Variants in CHRM2 observed in about 807,000 individuals in gnomAD.
The protein encoded by CHRM2 is muscarinic acetylcholine receptor M2.
In CHRM2, 8 loss-of-function variants were observed where a neutral mutation model predicts 25.0. That is an observed-to-expected ratio of 0.32 (90% confidence interval 0.19 to 0.58). The LOEUF (loss-of-function observed/expected upper bound fraction) is 0.58, where lower values mean the gene tolerates loss of function less well. CHRM2 is among the 20% of genes least tolerant of loss of function. CHRM2 has a pLI of 0.88. For synonymous variants in CHRM2, 202 were observed against 205.7 expected, an observed-to-expected ratio of 0.98 and a Z score of 0.15; for missense variants, 440 against 567.1, an observed-to-expected ratio of 0.78 and a Z score of 2.28.
At chr7:136,940,452 T>C (rs1170164146) in intron 2 of CHRM2, among the ~76,000 whole-genome samples, 1 of 152,220 alleles carries the variant, frequency 6.6e-6, no homozygotes, top group African/African-American at 2.4e-5. Flanking sequence ...TCAATCATCT[T>C]GTACCTTATG....
At chr7:136,989,770 C>T (rs79345526) in intron 2 of CHRM2, among the ~76,000 whole-genome samples, 2,115 of 152,176 alleles carry the variant, frequency 0.014, 39 homozygotes, top group African/African-American at 0.049. Flanking sequence ...AAAATCCATC[C>T]CCTTCACAAC....
At chr7:137,013,114 A>G (rs1276448669) in intron 3 of CHRM2, among the ~76,000 whole-genome samples, 4 of 151,950 alleles carry the variant, frequency 2.6e-5, no homozygotes, top group African/African-American at 9.7e-5. Flanking sequence ...ACTCTATTAT[A>G]TTAAAGACAT....
At chr7:137,008,277 A>G (rs1804583505) in intron 3 of CHRM2, among the ~76,000 whole-genome samples, 1 of 152,100 alleles carries the variant, frequency 6.6e-6, no homozygotes, top group South Asian at 2.1e-4. Context: ...CCTTGCTTCC[A>G]ATGATACTCT....
chr7:136,918,096 G>A (rs1023490602), intron 2 of CHRM2, among the ~76,000 whole-genome samples: 1 of 152,056 alleles, frequency 6.6e-6, no homozygotes, highest in Non-Finnish European at 1.5e-5. Context: ...AAAACAGAAA[G>A]GACCACCATG....
At chr7:136,883,115 T>G (rs1191837717) in intron 2 of CHRM2, among the ~76,000 whole-genome samples, 1 of 152,130 alleles carries the variant, frequency 6.6e-6, no homozygotes, top group African/African-American at 2.4e-5. Flanking sequence ...CTCTCTTACG[T>G]AGGGCTTAGC....
chr7:136,963,268 CT>C (rs753526037), intron 2 of CHRM2, among the ~76,000 whole-genome samples: 4 of 152,128 alleles, frequency 2.6e-5, no homozygotes, highest in Non-Finnish European at 5.9e-5. Flanking sequence ...CATTCCTTTT[CT>C]GTTTTCCGTT....
chr7:136,939,036 G>C (rs1307544615), intron 2 of CHRM2, among the ~76,000 whole-genome samples: 1 of 145,190 alleles, frequency 6.9e-6, no homozygotes, highest in Non-Finnish European at 1.5e-5. Flanking sequence ...GATTACTTTA[G>C]TGTAGGAAAC....
intron 2 of CHRM2, among the ~76,000 whole-genome samples, chr7:136,965,776 GA>G (rs1801376595): frequency 6.6e-6 from 1 of 151,782 alleles, no homozygotes; most frequent in African/African-American, 2.4e-5. Context: ...GTATTAAAGA[GA>G]TACACATAAA....
rs552435325 is a variant in CHRM2 at position 136,947,894 on chromosome 7, A to G, written c.-124-44293A>G. 2.6e-4 allele frequency among the ~76,000 whole-genome samples: 40 copies of G among 152,234 alleles called. 2 individuals are homozygous for G. The South Asian group carries it at 8.1e-3, about 31-fold the overall frequency. ...TTCTGTCTTAATAGCCTCAATTCCT[A>G]ATAATATAGGTGACAAGAGACAACT... On this transcript the variant is annotated intron_variant, in intron 2 of 3. Coordinates refer to ENST00000680005, the MANE Select transcript of CHRM2 (RefSeq NM_001006630.2).
chr7:136,935,503 G>A (rs1270737739), intron 2 of CHRM2, among the ~76,000 whole-genome samples: 1 of 152,084 alleles, frequency 6.6e-6, no homozygotes, highest in Non-Finnish European at 1.5e-5. Flanking sequence ...AAGAGGAAAC[G>A]TTCAACAGCA....
chr7:136,984,899 G>A (rs911817793), intron 2 of CHRM2, among the ~76,000 whole-genome samples: 9 of 152,116 alleles, frequency 5.9e-5, no homozygotes, highest in African/African-American at 2.2e-4. Flanking sequence ...CAGCTATCTT[G>A]CTCAGGAATC....
intron 2 of CHRM2, among the ~76,000 whole-genome samples, chr7:136,972,387 T>G (rs1801835797): frequency 6.6e-6 from 1 of 152,202 alleles, no homozygotes; most frequent in African/African-American, 2.4e-5. Context: ...GCAGCATATA[T>G]TACTTTATAT....
rs571745164 is a variant in CHRM2, at chr7:137,016,311, A to G, written c.*45A>G. The G allele has an allele frequency of 1.7e-4, 267 of 1,568,596 alleles. 2 individuals carry two copies. In the South Asian group the frequency reaches 2.8e-3, roughly 16 times the overall value. On this transcript the variant is annotated 3_prime_UTR_variant, in exon 4 of 4. Transcript: ENST00000680005. ...GAAGGTGGGCAAGGGGAGCTTGAGA[A>G]GAATAAAAGGGATAAACGAGCTCCT...
intron 3 of CHRM2, among the ~76,000 whole-genome samples, chr7:137,012,361 C>CA (rs1804880614): frequency 6.6e-6 from 1 of 151,908 alleles, no homozygotes; most frequent in African/African-American, 2.4e-5. Flanking sequence ...TGATTAATTG[C>CA]AAAAAAGGAT....
At chr7:136,989,998 C>T (rs940761487) in intron 2 of CHRM2, among the ~76,000 whole-genome samples, 2 of 152,102 alleles carry the variant, frequency 1.3e-5, no homozygotes, top group African/African-American at 4.8e-5. Flanking sequence ...ACATGCACTG[C>T]AGTTTCTGGC....
chr7:136,938,408 T>A, intron 2 of CHRM2: 7 of 1,543,924 alleles, frequency 4.5e-6, no homozygotes, highest in Non-Finnish European at 6.2e-6. Context: ...AACCGTACCT[T>A]GTCTATGAAG....
chr7:136,964,457 T>G (rs562482831), intron 2 of CHRM2, among the ~76,000 whole-genome samples: 1 of 152,318 alleles, frequency 6.6e-6, no homozygotes, highest in African/African-American at 2.4e-5. Flanking sequence ...CAGTTGGCCT[T>G]GGCAGTATAA....
chr7:136,893,585 C>A (rs960519934), intron 2 of CHRM2, among the ~76,000 whole-genome samples: 6 of 152,170 alleles, frequency 3.9e-5, no homozygotes, highest in Admixed American at 2.0e-4. Context: ...TAGCCCAAAT[C>A]TCCAAGGCCA....
chr7:137,015,684 CTG>C lies in CHRM2; in HGVS notation c.823_824del (p.Val275SerfsTer10). 1 of 1,613,144 alleles carries C rather than the reference CTG, an allele frequency of 6.2e-7. No individual in the cohort carries two copies. The highest frequency in any genetic ancestry group is 8.5e-7 in the Non-Finnish European group (1 of 1,179,554). On this transcript the variant is annotated frameshift_variant, in exon 4 of 4. Transcript: ENST00000680005. LOFTEE classifies it high-confidence loss of function. The surrounding 1 kb of genome is among the most constrained non-coding windows in gnomAD (Gnocchi z 5.1). ...KAPRDPVTENCVQGEEKESSN... is the reference protein window; with the variant it reads ...KAPRDPVTENXVQGEEKESSN... ...CCCCCAGGGATCCTGTGACTGAAAA[CTG>C]TGTTCAGGGAGAGGAGAAGGAGAGC...
Sources: gnomAD v4.1 joint callset for allele counts (sites outside exome capture counted in the v4.1 genomes callset) on GRCh38, gnomAD v4.1.1 for gene constraint, Gnocchi (gnomAD v3.1) non-coding constraint, MANE v1.5 for transcripts, NCBI Gene and HGNC (gene_info 2026-07-23, HGNC 2026-07-21) for gene names.